The following USP42 variants were observed in gnomAD, a reference collection of about 807,000 sequenced individuals.
USP42 encodes the protein ubiquitin specific peptidase 42.
Under a neutral mutation model 113.0 loss-of-function variants are expected in USP42, and 23 were observed. That is an observed-to-expected ratio of 0.20 (90% CI 0.15 to 0.29). The LOEUF is 0.29. Ranked by LOEUF, USP42 falls within the 10% of genes least tolerant of loss-of-function variation. The pLI is 1.00. For synonymous variants in USP42, 933 were observed against 699.0 expected, an observed-to-expected ratio of 1.33 and a Z score of -5.28; for missense variants, 2,174 against 1,779.8, an observed-to-expected ratio of 1.22 and a Z score of -3.99.
intron 3 of USP42, among the ~76,000 whole-genome samples, chr7:6,119,564 A>G (rs1349566887): frequency 6.6e-6 from 1 of 152,260 alleles, no homozygotes; most frequent in Non-Finnish European, 1.5e-5. Flanking sequence ...ATTTCTACAA[A>G]TAATCTTCCT....
chr7:6,093,243 C>T, the USP42 span, among the ~76,000 whole-genome samples: 1 of 143,396 alleles, frequency 7.0e-6, no homozygotes, highest in East Asian at 2.1e-4. Context: ...CTCTCTTCCT[C>T]CTTCCTTTCT....
chr7:6,086,485 G>A, the USP42 span, among the ~76,000 whole-genome samples: 1 of 151,022 alleles, frequency 6.6e-6, no homozygotes, highest in South Asian at 2.1e-4. Context: ...GATTACAGGC[G>A]TGAGCCACCG....
upstream of USP42, among the ~76,000 whole-genome samples, chr7:6,104,605 C>G (rs890527743): frequency 2.6e-5 from 4 of 152,174 alleles, no homozygotes; most frequent in Non-Finnish European, 5.9e-5. Flanking sequence ...GTCCTACGCC[C>G]GCCGCGCGCC....
intron 14 of USP42, among the ~76,000 whole-genome samples, chr7:6,151,504 C>G (rs942285301): frequency 6.6e-6 from 1 of 152,192 alleles, no homozygotes; most frequent in African/African-American, 2.4e-5. Flanking sequence ...GTGGTGCGAT[C>G]TCAGCTCACT....
rs1445780280 is a variant in USP42 at position 6,159,727 on chromosome 7, C to G, written c.*36+234C>G. 6.6e-6 allele frequency among the ~76,000 whole-genome samples: 1 copy of G among 152,196 alleles called. No homozygotes were observed. Among genetic ancestry groups the G allele is most frequent in the African/African-American group, 2.4e-5 (1 of 41,452 alleles). On this transcript the variant is annotated intron_variant, in intron 17 of 17. Transcript: ENST00000306177. The surrounding 1 kb of genome is among the most constrained non-coding windows in gnomAD (Gnocchi z 4.1). ...ATTACTGGCTGGGGAAGACCCGCAT[C>G]CTTCACGCAGGCAGAGTCGCCCTGT... is the stretch of plus-strand genomic sequence containing the variant.
chr7:6,093,961 C>T, the USP42 span, among the ~76,000 whole-genome samples: 1 of 148,840 alleles, frequency 6.7e-6, no homozygotes, highest in South Asian at 2.1e-4. Context: ...GCGATGTGGG[C>T]TCACTGCAAC....
chr7:6,140,342 C>T (rs1302004835), intron 6 of USP42, 147 bp downstream of exon 6: 11 of 717,640 alleles, frequency 1.5e-5, no homozygotes, highest in Middle Eastern at 3.1e-4. Context: ...GAGGCAGCCT[C>T]GGTGCCAGGT....
chr7:6,108,213 A>C (rs1263885453), intron 1 of USP42, among the ~76,000 whole-genome samples: 2 of 152,090 alleles, frequency 1.3e-5, no homozygotes, highest in Non-Finnish European at 2.9e-5. Flanking sequence ...AACAAACAAA[A>C]AAATTACAAG....
At chr7:6,094,164 G>A in the USP42 span, among the ~76,000 whole-genome samples, 1 of 149,864 alleles carries the variant, frequency 6.7e-6, no homozygotes, top group African/African-American at 2.5e-5. Context: ...TTACAGGCAT[G>A]AGCCACCATG....
chr7:6,101,642 G>A (rs1178138466), upstream of USP42, among the ~76,000 whole-genome samples: 3 of 151,156 alleles, frequency 2.0e-5, no homozygotes, highest in South Asian at 4.1e-4. Context: ...GCTAGAGTAA[G>A]TGGTGCTAGC....
chr7:6,131,159 G>A (rs1455382821), intron 3 of USP42, among the ~76,000 whole-genome samples: 9 of 152,076 alleles, frequency 5.9e-5, no homozygotes, highest in Non-Finnish European at 1.0e-4. Flanking sequence ...CTAGCCTGAG[G>A]GGCAGCCTCT....
At chr7:6,127,389 GT>G (rs1352992443) in intron 3 of USP42, among the ~76,000 whole-genome samples, 1 of 150,696 alleles carries the variant, frequency 6.6e-6, no homozygotes, top group Non-Finnish European at 1.5e-5. Context: ...TTTTTCCTAT[GT>G]TAATTTTTTC....
At chr7:6,092,724 T>A in the USP42 span, among the ~76,000 whole-genome samples, 1 of 151,162 alleles carries the variant, frequency 6.6e-6, no homozygotes. Context: ...AAGGAGAGAT[T>A]TGGGATCTGT....
chr7:6,086,513 C>G, the USP42 span, among the ~76,000 whole-genome samples: 1 of 150,908 alleles, frequency 6.6e-6, no homozygotes, highest in African/African-American at 2.5e-5. Flanking sequence ...CCTAGCCGGG[C>G]TAATTTTTGT....
chr7:6,139,727 G>A lies in USP42; in HGVS notation c.657-401G>A, dbSNP rs1331193407. On this transcript the variant is annotated intron_variant, in intron 5 of 17. Transcript: ENST00000306177. The surrounding 1 kb of genome is among the most constrained non-coding windows in gnomAD (Gnocchi z 4.5). ...TCTGCATTCTCCCTGCCCTGGCACCGCCCTGTCTAGGACTTCATTGTCCGG... is the reference window on the plus strand; with the variant it reads ...TCTGCATTCTCCCTGCCCTGGCACCACCCTGTCTAGGACTTCATTGTCCGG... 7 of 267,296 alleles carry A rather than the reference G, an allele frequency of 2.6e-5. No individual in the cohort carries two copies. The highest frequency in any genetic ancestry group is 1.0e-4 in the Admixed American group (2 of 19,764). The allele number at this position is 267,296 out of a possible 1,614,324, so 16.6% of individuals were successfully genotyped here. A position where few individuals can be genotyped will look rare whatever the true frequency, so the allele number is the denominator to read the frequency against.
At chr7:6,138,555 C>G (rs1414786151) in intron 4 of USP42, among the ~76,000 whole-genome samples, 1 of 152,170 alleles carries the variant, frequency 6.6e-6, no homozygotes, top group African/African-American at 2.4e-5. Flanking sequence ...CTCAGAAACT[C>G]TAGCTGCTGT....
At chr7:6,114,232 A>T (rs34437875) in intron 2 of USP42, among the ~76,000 whole-genome samples, 12,573 of 152,208 alleles carry the variant, frequency 0.083, 738 homozygotes, top group Non-Finnish European at 0.12. Flanking sequence ...AGGGCTCCCT[A>T]CATGAGATGG....
intron 11 of USP42, among the ~76,000 whole-genome samples, chr7:6,146,878 G>C (rs1037027821): frequency 3.3e-5 from 5 of 152,198 alleles, no homozygotes; most frequent in African/African-American, 4.8e-5. Context: ...GGAGACCTCA[G>C]GAAGGGACCT....
rs550670477 is a variant in USP42 at position 6,160,632 on chromosome 7, G to A, written c.*114G>A. 3.3e-5 allele frequency: 5 copies of A among 152,764 alleles called. No individual in the cohort carries two copies. Among genetic ancestry groups the A allele is most frequent in the Non-Finnish European group, 4.4e-5 (3 of 68,036 alleles). The allele number at this position is 152,764 out of a possible 1,614,324, so 9.5% of individuals were successfully genotyped here. ...AGACAATAACTCTGTTCCAATCTGC[G>A]TGGTGCTTCTTTAGTAAATACTGTA... On this transcript the variant is annotated 3_prime_UTR_variant, in exon 18 of 18. Transcript: ENST00000306177.
Sources: allele counts gnomAD v4.1 joint callset (sites outside exome capture counted in the v4.1 genomes callset), GRCh38; gene constraint gnomAD v4.1.1; non-coding constraint Gnocchi (gnomAD v3.1); transcripts MANE v1.5; gene names NCBI Gene and HGNC (gene_info 2026-07-23, HGNC 2026-07-21).